ULK4: variants seen among roughly 807,000 people sequenced by gnomAD.
The protein encoded by ULK4 is inactive serine/threonine-protein kinase ULK4.
A neutral mutation model predicts 160.6 loss-of-function variants in ULK4; 133 were observed. The ratio of observed to expected loss-of-function variants is 0.83; its 90% CI spans 0.72 to 0.96. The LOEUF is 0.96. Ranked by LOEUF, ULK4 falls within the 40% of genes least tolerant of loss-of-function variation. ULK4 has a pLI of 0.00. For synonymous variants in ULK4, 534 were observed against 539.8 expected, an observed-to-expected ratio of 0.99 and a Z score of 0.15; for missense variants, 1,580 against 1,499.5, an observed-to-expected ratio of 1.05 and a Z score of -0.89.
At chr3:41,514,575 A>G (rs1487924891) in intron 32 of ULK4, among the ~76,000 whole-genome samples, 1 of 152,238 alleles carries the variant, frequency 6.6e-6, no homozygotes, top group African/African-American at 2.4e-5. Flanking sequence ...AATGTGGCAT[A>G]TAAATATAAC....
At chr3:41,726,836 T>C (rs539012744) in intron 22 of ULK4, among the ~76,000 whole-genome samples, 1 of 152,294 alleles carries the variant, frequency 6.6e-6, no homozygotes, top group Admixed American at 6.5e-5. Context: ...TTAATAGAAA[T>C]GGGGTTTCAC....
chr3:41,372,975 G>A (rs867674277), intron 35 of ULK4, among the ~76,000 whole-genome samples: 1 of 152,086 alleles, frequency 6.6e-6, no homozygotes, highest in African/African-American at 2.4e-5. Flanking sequence ...GCAAACAAAA[G>A]CAGGGGTTGC....
intron 30 of ULK4, among the ~76,000 whole-genome samples, chr3:41,637,479 T>C (rs2034006485): frequency 6.6e-6 from 1 of 152,232 alleles, no homozygotes; most frequent in Non-Finnish European, 1.5e-5. Flanking sequence ...TTTTGGCTAT[T>C]GTGAATAATG....
chr3:41,323,238 T>C (rs2080278942), intron 35 of ULK4, among the ~76,000 whole-genome samples: 1 of 151,994 alleles, frequency 6.6e-6, no homozygotes, highest in Admixed American at 6.6e-5. Context: ...TGCCCGGCCA[T>C]TCTTTTAAAC....
chr3:41,907,848 G>T lies in ULK4; in HGVS notation c.1179C>A (p.Thr393=), dbSNP rs781413549. Residue 393 remains threonine, a synonymous_variant, in exon 12 of 37, where the codon ACC becomes ACA. Coordinates refer to ENST00000301831, the MANE Select transcript of ULK4 (RefSeq NM_017886.4). ...HCSPQKTSPL[T]KITSGHLSQQ... The stretch of plus-strand genomic sequence containing the variant: ...AAAATTTCCCAAGTCTGCTCACCTT[G>T]GTCAGAGGAGAAGTCTTCTGTGGTG... 1.9e-6 allele frequency: 3 copies of T among 1,572,150 alleles called. No homozygotes were observed. The highest frequency in any genetic ancestry group is 1.2e-5 in the South Asian group (1 of 83,490).
At chr3:41,624,953 T>G (rs1185125863) in intron 30 of ULK4, among the ~76,000 whole-genome samples, 1 of 152,220 alleles carries the variant, frequency 6.6e-6, no homozygotes, top group Non-Finnish European at 1.5e-5. Flanking sequence ...CTTCAGTCTT[T>G]GGTAAATCTC....
chr3:41,329,722 C>T (rs186247735), intron 35 of ULK4, among the ~76,000 whole-genome samples: 21 of 152,244 alleles, frequency 1.4e-4, no homozygotes, highest in African/African-American at 4.6e-4. Flanking sequence ...AATAGATATT[C>T]CACTGACGAA....
At chr3:41,569,097 C>T (rs2125608370) in intron 31 of ULK4, among the ~76,000 whole-genome samples, 1 of 152,292 alleles carries the variant, frequency 6.6e-6, no homozygotes, top group South Asian at 2.1e-4. Flanking sequence ...GTGTCTTCCC[C>T]GGGCACACCA....
chr3:41,802,492 T>A (rs1181983455), intron 19 of ULK4, among the ~76,000 whole-genome samples: 8 of 152,042 alleles, frequency 5.3e-5, no homozygotes, highest in Non-Finnish European at 8.8e-5. Context: ...AGAGATGAGG[T>A]CTCACTCTGT....
At chr3:41,702,705 A>T (rs1205856764) in intron 27 of ULK4, among the ~76,000 whole-genome samples, 1 of 152,170 alleles carries the variant, frequency 6.6e-6, no homozygotes, top group African/African-American at 2.4e-5. Flanking sequence ...ACCTAATAAC[A>T]TGGCCTCAAA....
At chr3:41,637,534 T>C (rs1421025507) in intron 30 of ULK4, among the ~76,000 whole-genome samples, 3 of 152,244 alleles carry the variant, frequency 2.0e-5, no homozygotes, top group African/African-American at 7.2e-5. Context: ...GATAGTGATT[T>C]CAATCTCTTT....
In ULK4 at chr3:41,376,461, A is replaced by G. The variant is rs575821788; in HGVS notation, c.3678+21618T>C. ...CCCTCTTTGCAGACGACATGATTGTATATCTAGAAAACCCCACTGTCTCAG... is the reference window on the plus strand; with the variant it reads ...CCCTCTTTGCAGACGACATGATTGTGTATCTAGAAAACCCCACTGTCTCAG... On this transcript the variant is annotated intron_variant, in intron 35 of 36. Coordinates refer to ENST00000301831, the MANE Select transcript of ULK4 (RefSeq NM_017886.4). 1.1e-4 allele frequency among the ~76,000 whole-genome samples: 16 copies of G among 150,250 alleles called. 1 individual carries two copies. Among genetic ancestry groups the G allele is most frequent in the Non-Finnish European group, 1.6e-4 (11 of 68,008 alleles).
At chr3:41,780,386 T>C (rs1210859993) in intron 21 of ULK4, among the ~76,000 whole-genome samples, 1 of 139,138 alleles carries the variant, frequency 7.2e-6, no homozygotes, top group East Asian at 2.0e-4. Context: ...ATATTAAAAA[T>C]ATAAAAGATG....
At chr3:41,258,983 C>T (rs981348849) in intron 35 of ULK4, among the ~76,000 whole-genome samples, 2 of 148,930 alleles carry the variant, frequency 1.3e-5, no homozygotes, top group East Asian at 2.0e-4. Flanking sequence ...TATATATATA[C>T]AGATATACAT....
chr3:41,848,333 C>T (rs2042121722), intron 17 of ULK4, among the ~76,000 whole-genome samples: 1 of 152,164 alleles, frequency 6.6e-6, no homozygotes, highest in Non-Finnish European at 1.5e-5. Context: ...TACAAACTTC[C>T]TGGATTTTTT....
rs1424141685 is a variant in ULK4, at chr3:41,653,839, G to T, written c.3071+9768C>A. Among the ~76,000 whole-genome samples the T allele has an allele frequency of 4.6e-5, 7 of 152,282 alleles. No individual in the cohort carries two copies. In the South Asian group the frequency reaches 8.3e-4, roughly 18 times the overall value. ...CCAGTCTCTGCTTTAGATGACAAGG[G>T]AAAGTTTACAGACCTTAGGAAGTCT... On this transcript the variant is annotated intron_variant, in intron 30 of 36. Coordinates refer to ENST00000301831, the MANE Select transcript of ULK4 (RefSeq NM_017886.4).
At chr3:41,416,375 A>G (rs534757622) in intron 34 of ULK4, among the ~76,000 whole-genome samples, 2 of 152,304 alleles carry the variant, frequency 1.3e-5, no homozygotes, top group Non-Finnish European at 2.9e-5. Context: ...TGTGGCAAGC[A>G]CTGAGCAGAG....
At chr3:41,482,318 T>C (rs920399691) in intron 32 of ULK4, among the ~76,000 whole-genome samples, 1 of 152,160 alleles carries the variant, frequency 6.6e-6, no homozygotes, top group Non-Finnish European at 1.5e-5. Flanking sequence ...GGCATCCTTC[T>C]GAGAAACACA....
At chr3:41,690,091 C>G (rs533540816) in intron 27 of ULK4, among the ~76,000 whole-genome samples, 168 of 146,856 alleles carry the variant, frequency 1.1e-3, no homozygotes, top group Non-Finnish European at 1.7e-3. Context: ...CACATATACA[C>G]CATGGAATAC....
Sources: allele counts gnomAD v4.1 joint callset (sites outside exome capture counted in the v4.1 genomes callset), GRCh38; gene constraint gnomAD v4.1.1; transcripts MANE v1.5; gene names NCBI Gene and HGNC (gene_info 2026-07-23, HGNC 2026-07-21).